Variants in ADCY1 observed in about 807,000 individuals in gnomAD.
ADCY1 encodes the protein adenylate cyclase type 1.
Under a neutral mutation model 105.4 loss-of-function variants are expected in ADCY1, and 28 were observed. The ratio of observed to expected loss-of-function variants is 0.27; its 90% CI spans 0.20 to 0.36. The LOEUF (loss-of-function observed/expected upper bound fraction) is 0.36, where lower values mean the gene tolerates loss of function less well. Ranked by LOEUF, ADCY1 falls within the 10% of genes least tolerant of loss-of-function variation. ADCY1 has a pLI of 1.00. For missense variants in ADCY1, 977 were observed against 1,434.2 expected, an observed-to-expected ratio of 0.68 and a Z score of 5.15; for synonymous variants, 655 against 623.8, an observed-to-expected ratio of 1.05 and a Z score of -0.75.
Position 45,686,094 on chromosome 7 carries a change from G to C in ADCY1, c.2206G>C (p.Val736Leu). 1 of 1,614,106 alleles carries C rather than the reference G, an allele frequency of 6.2e-7. No homozygotes were observed. Among genetic ancestry groups the C allele is most frequent in the Non-Finnish European group, 8.5e-7 (1 of 1,179,998 alleles). ...ACACCATGCCCTGCTCTGCTGCCTGGTGGGCACCCTCCCGCTAGCCATATT... is the reference window on the plus strand; with the variant it reads ...ACACCATGCCCTGCTCTGCTGCCTGCTGGGCACCCTCCCGCTAGCCATATT... ...STHHALLCCL[V>L]GTLPLAIFFR... Residue 736 changes from valine to leucine, a missense_variant, in exon 13 of 20, where the codon GTG becomes CTG. Coordinates refer to ENST00000297323, the MANE Select transcript of ADCY1 (RefSeq NM_021116.4). The surrounding 1 kb of genome is among the most constrained non-coding windows in gnomAD (Gnocchi z 4.3).
intron 11 of ADCY1, among the ~76,000 whole-genome samples, chr7:45,680,105 G>A (rs1371813830): frequency 1.3e-5 from 2 of 152,246 alleles, no homozygotes. Context: ...TGAAGACCCA[G>A]TTCTGCACTG....
chr7:45,609,042 T>G (rs985520979), intron 2 of ADCY1, among the ~76,000 whole-genome samples: 1 of 152,240 alleles, frequency 6.6e-6, no homozygotes, highest in African/African-American at 2.4e-5. Flanking sequence ...ACTTCAAGTG[T>G]GCCAAATTTG....
intron 3 of ADCY1, among the ~76,000 whole-genome samples, chr7:45,610,776 G>A (rs1236189923): frequency 6.8e-6 from 1 of 146,756 alleles, no homozygotes. Context: ...GATAGTGGAG[G>A]TGTGGGGGTG....
chr7:45,605,973 A>T (rs74450396), intron 2 of ADCY1, among the ~76,000 whole-genome samples: 6,232 of 151,810 alleles, frequency 0.041, 200 homozygotes, highest in African/African-American at 0.089. Context: ...CTGTGACATG[A>T]CTCTGGTTGG....
intron 18 of ADCY1, among the ~76,000 whole-genome samples, chr7:45,709,803 C>T (rs374428031): frequency 4.6e-5 from 7 of 152,174 alleles, no homozygotes; most frequent in African/African-American, 7.2e-5. Flanking sequence ...TCTGTCCTGC[C>T]GAGGACGGGC....
chr7:45,579,523 G>T (rs914213766), intron 1 of ADCY1, among the ~76,000 whole-genome samples: 2 of 151,948 alleles, frequency 1.3e-5, no homozygotes, highest in African/African-American at 2.4e-5. Context: ...GCTTATCTTC[G>T]TGGCCTGCAG....
At chr7:45,645,796 G>T (rs1794647161) in intron 4 of ADCY1, among the ~76,000 whole-genome samples, 1 of 152,128 alleles carries the variant, frequency 6.6e-6, no homozygotes, top group South Asian at 2.1e-4. Flanking sequence ...CAGAGCACAG[G>T]TCCTTAGAGT....
At chr7:45,688,132 G>C (rs550203957) in intron 14 of ADCY1, among the ~76,000 whole-genome samples, 1 of 152,222 alleles carries the variant, frequency 6.6e-6, no homozygotes, top group African/African-American at 2.4e-5. Context: ...AGTAGCAGGG[G>C]TAACAAAGGT....
At chr7:45,684,937 G>T in intron 11 of ADCY1, 42 bp from the exon 12 acceptor site, 1 of 1,552,692 alleles carries the variant, frequency 6.4e-7, no homozygotes, top group South Asian at 1.1e-5. Context: ...GAATCACCTT[G>T]GTAATCAGAG....
chr7:45,697,687 GC>G (rs1349900248), intron 14 of ADCY1, among the ~76,000 whole-genome samples: 1 of 152,214 alleles, frequency 6.6e-6, no homozygotes, highest in Admixed American at 6.5e-5. Flanking sequence ...ACTGCGCCCA[GC>G]CCTCTTTACC....
intron 6 of ADCY1, among the ~76,000 whole-genome samples, chr7:45,658,839 C>G (rs912724833): frequency 3.3e-5 from 5 of 152,146 alleles, no homozygotes; most frequent in African/African-American, 1.2e-4. Context: ...AGGGCCCCTC[C>G]GGGGGGGCAG....
rs1269592498 is a variant in ADCY1 at position 45,575,020 on chromosome 7, C to G, written c.477C>G (p.Ala159=). 4 of 1,612,070 alleles carry G rather than the reference C, an allele frequency of 2.5e-6. No homozygotes were observed. The highest frequency in any genetic ancestry group is 3.4e-6 in the Non-Finnish European group (4 of 1,179,548). Residue 159 remains alanine (A), a synonymous_variant, in exon 1 of 20, where the codon GCC becomes GCG. Coordinates refer to ENST00000297323, the MANE Select transcript of ADCY1 (RefSeq NM_021116.4). This position sits in a 1 kb window ranked among gnomAD's most constrained non-coding sequence, Gnocchi z 4.7. The part of the protein sequence containing the change: ...SAGAAGGPAT[A]EQGVWQLLLV... ...GGGCCGCTGGGGGGCCAGCGACCGC[C>G]GAACAAGGGGTTTGGCAGCTCCTTT...
At chr7:45,599,632 G>A (rs1374196452) in intron 2 of ADCY1, among the ~76,000 whole-genome samples, 1 of 141,774 alleles carries the variant, frequency 7.1e-6, no homozygotes, top group Non-Finnish European at 1.5e-5. Flanking sequence ...TGCCATATCT[G>A]TTTTTTTTTT....
intron 19 of ADCY1, among the ~76,000 whole-genome samples, chr7:45,713,018 C>T (rs1785293794): frequency 6.6e-6 from 1 of 152,150 alleles, no homozygotes; most frequent in African/African-American, 2.4e-5. Flanking sequence ...TGTGAACTGG[C>T]TGGTTTGCAC....
Position 45,657,727 on chromosome 7 carries a change from A to G in ADCY1, c.1149A>G (p.Thr383=). Residue 383 remains threonine, a splice_region_variant and synonymous_variant, in exon 6 of 20, where the codon ACA becomes ACG. Transcript: ENST00000297323. ...CCCACGCTCTGTGTCTGTGTTGCAG[A>G]TCTGTGGCTGAAGCCACCGAGGTGG... ...EMGLDMIDTI[T]SVAEATEVDL... is the part of the protein sequence containing the mutation. The G allele has an allele frequency of 1.9e-6, 3 of 1,613,060 alleles. No homozygotes were observed. Among genetic ancestry groups the G allele is most frequent in the Non-Finnish European group, 1.7e-6 (2 of 1,179,606 alleles).
intron 1 of ADCY1, among the ~76,000 whole-genome samples, chr7:45,583,193 C>T (rs1359753658): frequency 1.3e-5 from 2 of 152,174 alleles, no homozygotes; most frequent in East Asian, 1.9e-4. Context: ...GTTTGTATGT[C>T]GGTGCATGCC....
chr7:45,579,846 A>C (rs1282503617), intron 1 of ADCY1, among the ~76,000 whole-genome samples: 1 of 152,144 alleles, frequency 6.6e-6, no homozygotes, highest in African/African-American at 2.4e-5. Context: ...GTCCTGTGGC[A>C]GCCTCGCTGC....
At chr7:45,581,897 A>G (rs943079150) in intron 1 of ADCY1, among the ~76,000 whole-genome samples, 9 of 152,042 alleles carry the variant, frequency 5.9e-5, no homozygotes, top group Admixed American at 2.0e-4. Context: ...AGATGCATAC[A>G]CTCACACTCA....
At chr7:45,705,826 G>A (rs1021716282) in intron 17 of ADCY1, among the ~76,000 whole-genome samples, 28 of 152,098 alleles carry the variant, frequency 1.8e-4, no homozygotes, top group African/African-American at 6.3e-4. Context: ...ACAGAAAAAA[G>A]CCCCTGGAAC....
Sources: gnomAD v4.1 joint callset for allele counts (sites outside exome capture counted in the v4.1 genomes callset) on GRCh38, gnomAD v4.1.1 for gene constraint, Gnocchi (gnomAD v3.1) non-coding constraint, MANE v1.5 for transcripts, NCBI Gene and HGNC (gene_info 2026-07-23, HGNC 2026-07-21) for gene names.